CNBD1: variants seen among roughly 807,000 people sequenced by gnomAD.
CNBD1 encodes cyclic nucleotide-binding domain-containing protein 1.
In CNBD1, 71 loss-of-function variants were observed where a neutral mutation model predicts 54.4. The observed-to-expected ratio is 1.30, with a 90% CI of 1.08 to 1.59. The LOEUF (loss-of-function observed/expected upper bound fraction) is 1.59. CNBD1 is among the 40% of genes most tolerant of loss of function. CNBD1 has a pLI of 0.00. For synonymous variants in CNBD1, 182 were observed against 170.7 expected, an observed-to-expected ratio of 1.07 and a Z score of -0.51; for missense variants, 659 against 518.0, an observed-to-expected ratio of 1.27 and a Z score of -2.64.
chr8:87,318,648 A>G (rs1434958080), intron 8 of CNBD1, among the ~76,000 whole-genome samples: 2 of 152,094 alleles, frequency 1.3e-5, no homozygotes, highest in African/African-American at 4.8e-5. Flanking sequence ...ATTAGATAGA[A>G]TTAAAGAGAA....
intron 8 of CNBD1, among the ~76,000 whole-genome samples, chr8:87,344,153 A>C (rs535272420): frequency 2.6e-5 from 4 of 152,238 alleles, no homozygotes; most frequent in African/African-American, 9.6e-5. Flanking sequence ...AAAAATAATC[A>C]AGTTATTTAA....
intron 8 of CNBD1, among the ~76,000 whole-genome samples, chr8:87,326,607 G>T (rs1310696600): frequency 1.7e-5 from 2 of 115,500 alleles, no homozygotes; most frequent in Admixed American, 1.7e-4. Context: ...GGCTCCTGAG[G>T]CTTCTGCATT....
chr8:87,358,563 TTCAAAAAAAACAGAACCAA>T (rs1323232931), intron 10 of CNBD1, among the ~76,000 whole-genome samples: 1 of 135,014 alleles, frequency 7.4e-6, no homozygotes, highest in East Asian at 2.0e-4. Context: ...TACAAAGTTC[TTCAAAAAAAACAGAACCAA>T]TAGGATATAT....
At chr8:87,351,901 A>T (rs1486082474) in intron 9 of CNBD1, 107 bp downstream of exon 9, 2 of 1,156,608 alleles carry the variant, frequency 1.7e-6, no homozygotes, top group Non-Finnish European at 2.2e-6. Context: ...TACTTTGTGA[A>T]ATTTCTATTC....
At chr8:87,285,805 G>A (rs1808686099) in intron 7 of CNBD1, among the ~76,000 whole-genome samples, 1 of 152,190 alleles carries the variant, frequency 6.6e-6, no homozygotes. Flanking sequence ...AGGAAGTGGA[G>A]TTTGTGGTGA....
chr8:87,374,944 C>CA (rs1810895036), intron 10 of CNBD1, among the ~76,000 whole-genome samples: 2 of 149,922 alleles, frequency 1.3e-5, no homozygotes. Flanking sequence ...ATACAACTGG[C>CA]AAAAATGCAA....
intron 10 of CNBD1, among the ~76,000 whole-genome samples, chr8:87,380,866 T>C (rs1337837663): frequency 6.6e-6 from 1 of 152,068 alleles, no homozygotes; most frequent in East Asian, 1.9e-4. Flanking sequence ...ATTGGACCCT[T>C]ACCTTGCACT....
chr8:86,992,643 C>T (rs1263476296), intron 4 of CNBD1, among the ~76,000 whole-genome samples: 2 of 151,944 alleles, frequency 1.3e-5, no homozygotes, highest in Non-Finnish European at 2.9e-5. Context: ...CCTTAAGAGC[C>T]TCTCATGAGG....
intron 4 of CNBD1, among the ~76,000 whole-genome samples, chr8:87,180,006 A>T (rs1168511478): frequency 6.6e-6 from 1 of 152,182 alleles, no homozygotes; most frequent in Non-Finnish European, 1.5e-5. Flanking sequence ...TAAAGGATTT[A>T]TTTTTTGTAT....
intron 8 of CNBD1, among the ~76,000 whole-genome samples, chr8:87,344,910 G>C (rs62526806): frequency 6.6e-6 from 1 of 152,030 alleles, no homozygotes; most frequent in African/African-American, 2.4e-5. Flanking sequence ...ATATTTAAAT[G>C]GACAGTTACC....
intron 3 of CNBD1, among the ~76,000 whole-genome samples, chr8:86,907,805 A>G (rs548411514): frequency 1.2e-3 from 176 of 152,332 alleles, no homozygotes; most frequent in Non-Finnish European, 2.0e-3. Context: ...TGATATATCT[A>G]TAGATACCCT....
chr8:87,237,608 G>A (rs1807609575), intron 6 of CNBD1, among the ~76,000 whole-genome samples: 1 of 152,126 alleles, frequency 6.6e-6, no homozygotes, highest in Non-Finnish European at 1.5e-5. Context: ...AAGACTATTA[G>A]CTGGTCAAAA....
chr8:87,303,332 G>T (rs543381297), intron 8 of CNBD1, among the ~76,000 whole-genome samples: 3 of 151,768 alleles, frequency 2.0e-5, no homozygotes, highest in Non-Finnish European at 2.9e-5. Context: ...AAATAATGCC[G>T]CATATCTACA....
intron 10 of CNBD1, among the ~76,000 whole-genome samples, chr8:87,367,907 T>G (rs144337716): frequency 4.0e-3 from 606 of 152,156 alleles, no homozygotes; most frequent in African/African-American, 0.014. Context: ...AGTGGTGGCT[T>G]ACGCCTATAA....
intron 10 of CNBD1, among the ~76,000 whole-genome samples, chr8:87,355,059 C>G (rs950581778): frequency 4.6e-5 from 7 of 152,126 alleles, no homozygotes; most frequent in Non-Finnish European, 8.8e-5. Context: ...AATAGGAACA[C>G]TTTTACACTG....
intron 5 of CNBD1, among the ~76,000 whole-genome samples, chr8:87,219,589 T>A (rs992784026): frequency 5.9e-5 from 9 of 152,014 alleles, no homozygotes; most frequent in Non-Finnish European, 1.3e-4. Flanking sequence ...TAACTCTAAG[T>A]ACACAGTGAT....
chr8:87,369,124 T>C (rs1371946401), intron 10 of CNBD1, among the ~76,000 whole-genome samples: 2 of 152,184 alleles, frequency 1.3e-5, no homozygotes, highest in Middle Eastern at 3.4e-3. Flanking sequence ...TTAGCCATAA[T>C]TGTATAAATT....
At chr8:87,287,229 A>G (rs1808715789) in intron 8 of CNBD1, among the ~76,000 whole-genome samples, 1 of 152,166 alleles carries the variant, frequency 6.6e-6, no homozygotes, top group Non-Finnish European at 1.5e-5. Flanking sequence ...TGTGTACACA[A>G]AAAGTGTAGG....
chr8:87,028,530 T>A (rs1809705832), intron 4 of CNBD1, among the ~76,000 whole-genome samples: 1 of 152,162 alleles, frequency 6.6e-6, no homozygotes. Context: ...AAGGCTTTAA[T>A]CAGGTGATGC....
Sources: gnomAD v4.1 joint callset for allele counts (sites outside exome capture counted in the v4.1 genomes callset) on GRCh38, gnomAD v4.1.1 for gene constraint, MANE v1.5 for transcripts, NCBI Gene and HGNC (gene_info 2026-07-23, HGNC 2026-07-21) for gene names.